PPA2: variants seen among roughly 807,000 people sequenced by gnomAD.
PPA2 encodes the protein inorganic pyrophosphatase 2, also known as inorganic pyrophosphatase 2, mitochondrial.
In PPA2, 48 loss-of-function variants were observed where a neutral mutation model predicts 49.5. That is an observed-to-expected ratio of 0.97 (90% CI 0.77 to 1.23). The LOEUF (loss-of-function observed/expected upper bound fraction) is 1.23. PPA2 is among the 50% of genes most tolerant of loss of function. The pLI is 0.00. For missense variants in PPA2, 429 were observed against 410.1 expected, an observed-to-expected ratio of 1.05 and a Z score of -0.40; for synonymous variants, 131 against 139.9, an observed-to-expected ratio of 0.94 and a Z score of 0.45.
chr4:105,421,537 T>C (rs540991476), intron 7 of PPA2, among the ~76,000 whole-genome samples: 1 of 152,308 alleles, frequency 6.6e-6, no homozygotes, highest in South Asian at 2.1e-4. Context: ...TAAAAGTTGC[T>C]TGATTTAGGA....
chr4:105,445,910 C>T (rs187766863), intron 5 of PPA2, among the ~76,000 whole-genome samples: 2 of 148,802 alleles, frequency 1.3e-5, no homozygotes, highest in East Asian at 3.9e-4. Flanking sequence ...AAATTATTAA[C>T]TCATAACAGT....
chr4:105,437,162 A>G (rs1724098203), intron 6 of PPA2, among the ~76,000 whole-genome samples: 1 of 152,204 alleles, frequency 6.6e-6, no homozygotes, highest in Middle Eastern at 3.2e-3. Flanking sequence ...AAAAAGAAAT[A>G]TAAGTGGCCA....
intron 2 of PPA2, 73 bp from the exon 3 acceptor site, chr4:105,453,715 A>C (rs1722760553): frequency 2.5e-6 from 3 of 1,185,474 alleles, no homozygotes; most frequent in South Asian, 1.4e-5. Context: ...AGCAATAAAA[A>C]TATGACTATT....
chr4:105,467,073 T>G (rs952819123), intron 1 of PPA2, among the ~76,000 whole-genome samples: 8 of 152,202 alleles, frequency 5.3e-5, no homozygotes, highest in African/African-American at 1.9e-4. Context: ...CCAATTAATA[T>G]TTTAGAGAAA....
chr4:105,385,408 A>T (rs896362772), intron 10 of PPA2, among the ~76,000 whole-genome samples: 3 of 147,362 alleles, frequency 2.0e-5, no homozygotes, highest in Admixed American at 1.4e-4. Flanking sequence ...ACACATCAGT[A>T]AAAAAAAAAC....
chr4:105,451,330 G>T (rs964727344), intron 3 of PPA2, among the ~76,000 whole-genome samples: 2 of 152,156 alleles, frequency 1.3e-5, no homozygotes, highest in Non-Finnish European at 2.9e-5. Context: ...AAGTAATGAT[G>T]ATTTATATTA....
intron 9 of PPA2, among the ~76,000 whole-genome samples, chr4:105,389,605 A>G (rs931308930): frequency 3.9e-5 from 6 of 152,048 alleles, no homozygotes; most frequent in African/African-American, 1.4e-4. Flanking sequence ...GTAAAACCAA[A>G]AATGCTGTGT....
At chr4:105,403,169 G>A (rs1379214228) in intron 7 of PPA2, among the ~76,000 whole-genome samples, 1 of 152,012 alleles carries the variant, frequency 6.6e-6, no homozygotes, top group African/African-American at 2.4e-5. Flanking sequence ...GACTACAAGT[G>A]TGCACCACCA....
rs139191768 is a variant in PPA2, at chr4:105,464,743, T to A, written c.158-7998A>T. Reference sequence around the variant, plus strand: ...ACTAGCTCTCTTGTCTGCCACCATATGATACATGCCCTTCACCTTCGGCCA... The same window carrying A: ...ACTAGCTCTCTTGTCTGCCACCATAAGATACATGCCCTTCACCTTCGGCCA... On this transcript the variant is annotated intron_variant, in intron 1 of 11. Coordinates refer to ENST00000341695, the MANE Select transcript of PPA2 (RefSeq NM_176869.3). Among the ~76,000 whole-genome samples, 9 of 152,324 alleles carry A rather than the reference T, an allele frequency of 5.9e-5. No homozygotes were observed. The East Asian group carries it at 1.5e-3, about 26-fold the overall frequency.
intron 4 of PPA2, 58 bp from the exon 5 acceptor site, chr4:105,446,560 T>G: frequency 6.6e-7 from 1 of 1,523,480 alleles, no homozygotes; most frequent in Non-Finnish European, 8.8e-7. Context: ...TAATTCTATG[T>G]CCAAATAGTA....
chr4:105,462,303 C>G (rs908975624), intron 1 of PPA2, among the ~76,000 whole-genome samples: 1 of 152,122 alleles, frequency 6.6e-6, no homozygotes, highest in Non-Finnish European at 1.5e-5. Context: ...TTAGAACTTT[C>G]TTATCCGAAG....
rs1350704344 is a variant in PPA2 at position 105,450,601 on chromosome 4, C to T, written c.268-1198G>A. 2.3e-3 allele frequency among the ~76,000 whole-genome samples: 186 copies of T among 82,622 alleles called. 1 individual carries two copies. Among genetic ancestry groups the T allele is most frequent in the East Asian group, 3.5e-3 (9 of 2,558 alleles). 54.2% of individuals were successfully genotyped at this position (82,622 alleles called of 152,430 possible). ...ATGCTGGCCAGGCTGGTCTGGAATT[C>T]TTTTTTTTTTTTTTTTTTTTTTTTG... On this transcript the variant is annotated intron_variant, in intron 3 of 11. Transcript: ENST00000341695.
Position 105,453,619 on chromosome 4 carries a change from T to C in PPA2, c.246A>G (p.Lys82=), listed in dbSNP as rs376364804. The change falls in exon 3 of 12, where the codon AAA becomes AAG. Residue 82 remains lysine, a synonymous_variant. Transcript: ENST00000341695. ...ATACCTCATATTCATCATTTCGTGCTTTCTTCATAGGAATGCCATTTTCCT... is the reference window on the plus strand; with the variant it reads ...ATACCTCATATTCATCATTTCGTGCCTTCTTCATAGGAATGCCATTTTCCT... ...SKEENGIPMK[K]ARNDEYENLF... 7 of 1,607,130 alleles carry C rather than the reference T, an allele frequency of 4.4e-6. No homozygotes were observed. Among genetic ancestry groups the C allele is most frequent in the Non-Finnish European group, 2.5e-6 (3 of 1,176,672 alleles).
chr4:105,455,312 A>C (rs1400253093), intron 2 of PPA2, among the ~76,000 whole-genome samples: 1 of 152,168 alleles, frequency 6.6e-6, no homozygotes, highest in African/African-American at 2.4e-5. Flanking sequence ...ACACATATAC[A>C]CACGCACTTT....
intron 7 of PPA2, among the ~76,000 whole-genome samples, chr4:105,403,903 CTTT>C (rs542664794): frequency 1.4e-5 from 2 of 144,282 alleles, no homozygotes; most frequent in Admixed American, 7.0e-5. Flanking sequence ...TCTTTCTACT[CTTT>C]TTTTTTTTTT....
At chr4:105,439,979 T>C (rs1315128466) in intron 5 of PPA2, among the ~76,000 whole-genome samples, 2 of 151,816 alleles carry the variant, frequency 1.3e-5, no homozygotes, top group Admixed American at 6.6e-5. Flanking sequence ...ATGATAATCT[T>C]AACGTGCTGG....
At position 105,400,074 on chromosome 4, in the gene PPA2, T is replaced by C. The variant is rs189333626; in HGVS notation, c.656-910A>G. Among the ~76,000 whole-genome samples the C allele has an allele frequency of 9.6e-3, 1,458 of 152,248 alleles. 17 individuals carry two copies. The highest frequency in any genetic ancestry group is 0.033 in the African/African-American group (1,365 of 41,532). ...GGCAGTGCTTGTGTTCAGTTAACCTTTATTTTGCTTCAGAATGGCCACAAA... is the reference window on the plus strand; with the variant it reads ...GGCAGTGCTTGTGTTCAGTTAACCTCTATTTTGCTTCAGAATGGCCACAAA... On this transcript the variant is annotated intron_variant, in intron 7 of 11. Transcript: ENST00000341695.
At chr4:105,408,255 T>A (rs1186259407) in intron 7 of PPA2, among the ~76,000 whole-genome samples, 2 of 152,090 alleles carry the variant, frequency 1.3e-5, no homozygotes, top group Non-Finnish European at 1.5e-5. Context: ...ACCACTAAGG[T>A]GCAAAACTAC....
intron 2 of PPA2, chr4:105,455,968 A>G (rs1304560925): frequency 4.8e-6 from 1 of 207,310 alleles, no homozygotes; most frequent in Non-Finnish European, 1.0e-5. Context: ...AATAACCTAC[A>G]ACTTAATGAT....
Sources: gnomAD v4.1 joint callset for allele counts (sites outside exome capture counted in the v4.1 genomes callset) on GRCh38, gnomAD v4.1.1 for gene constraint, MANE v1.5 for transcripts, NCBI Gene and HGNC (gene_info 2026-07-23, HGNC 2026-07-21) for gene names.